Variants in PGAP4 observed in about 807,000 individuals in gnomAD.
The protein encoded by PGAP4 is post-GPI attachment to proteins GalNAc transferase 4, also known as GPI-N-acetylgalactosamine transferase PGAP4.
A neutral mutation model predicts 28.2 loss-of-function variants in PGAP4; 12 were observed. The ratio of observed to expected loss-of-function variants is 0.42; its 90% CI spans 0.27 to 0.69. The LOEUF (loss-of-function observed/expected upper bound fraction) is 0.69, where lower values mean the gene tolerates loss of function less well. PGAP4 is among the 30% of genes least tolerant of loss of function. The probability of loss-of-function intolerance (pLI) is 0.22; values close to 1 mark genes in which losing one functional copy is unlikely to be tolerated. For missense variants in PGAP4, 425 were observed against 513.5 expected, an observed-to-expected ratio of 0.83 and a Z score of 1.67; for synonymous variants, 205 against 211.8, an observed-to-expected ratio of 0.97 and a Z score of 0.28.
chr9:101,507,516 TCTAAAAGCTCAGTTCTTGAACCC>T (rs1158978179), intron 2 of PGAP4, among the ~76,000 whole-genome samples: 6 of 152,082 alleles, frequency 3.9e-5, no homozygotes, highest in South Asian at 2.1e-4. Context: ...ATTTATGAAG[TCTAAAAGCTCAGTTCTTGAACCC>T]CTAAAAGCTC....
intron 2 of PGAP4, among the ~76,000 whole-genome samples, chr9:101,529,132 T>A (rs896851579): frequency 6.6e-6 from 1 of 151,404 alleles, no homozygotes; most frequent in African/African-American, 2.4e-5. Flanking sequence ...TCTTTTTTTA[T>A]AGCTGCATGG....
chr9:101,484,070 G>T (rs764446689), intron 1 of PGAP4, among the ~76,000 whole-genome samples: 1 of 152,118 alleles, frequency 6.6e-6, no homozygotes, highest in Non-Finnish European at 1.5e-5. Flanking sequence ...TTTTATAAGT[G>T]CATCCCCTTT....
intron 2 of PGAP4, among the ~76,000 whole-genome samples, chr9:101,500,074 G>T (rs577576338): frequency 3.9e-5 from 6 of 152,006 alleles, no homozygotes; most frequent in Non-Finnish European, 8.8e-5. Context: ...ATCAAATCCA[G>T]AATTATGTTT....
At chr9:101,485,039 ACAGT>A (rs1248715762) in intron 1 of PGAP4, among the ~76,000 whole-genome samples, 1 of 152,242 alleles carries the variant, frequency 6.6e-6, no homozygotes, top group South Asian at 2.1e-4. Context: ...GGTGAACATG[ACAGT>A]CAGGGCACCT....
chr9:101,522,404 G>A (rs1228046311), intron 2 of PGAP4, among the ~76,000 whole-genome samples: 1 of 152,088 alleles, frequency 6.6e-6, no homozygotes, highest in Non-Finnish European at 1.5e-5. Context: ...CCAGTGTTAG[G>A]TGCATATATG....
At chr9:101,497,792 A>G (rs1249491478) in intron 2 of PGAP4, among the ~76,000 whole-genome samples, 1 of 151,706 alleles carries the variant, frequency 6.6e-6, no homozygotes, top group Non-Finnish European at 1.5e-5. Context: ...TTATCTAAAT[A>G]AAAATGTTTA....
chr9:101,500,768 C>G (rs56736380), intron 2 of PGAP4, among the ~76,000 whole-genome samples: 14 of 151,864 alleles, frequency 9.2e-5, no homozygotes, highest in Non-Finnish European at 1.6e-4. Flanking sequence ...GGAAGATACA[C>G]CTATTAGTCT....
rs1323694400 is a variant in PGAP4 at position 101,481,130 on chromosome 9, A to G, written c.-77-3961T>C. 2.6e-5 allele frequency among the ~76,000 whole-genome samples: 4 copies of G among 152,234 alleles called. No homozygotes were observed. The East Asian group carries it at 7.7e-4, about 29-fold the overall frequency. ...CAGGTCGAGGCCGCAGTGAGCTGTG[A>G]TCGCACCACCGCACTCCAGCCTGGT... is the stretch of plus-strand genomic sequence containing the variant. On this transcript the variant is annotated intron_variant, in intron 1 of 1. Coordinates refer to ENST00000374848, the MANE Select transcript of PGAP4 (RefSeq NM_032342.3).
At chr9:101,485,901 T>C (rs1826602285) in intron 1 of PGAP4, among the ~76,000 whole-genome samples, 1 of 150,164 alleles carries the variant, frequency 6.7e-6, no homozygotes, top group Non-Finnish European at 1.5e-5. Flanking sequence ...GTGCAGTGCA[T>C]TCTAGAAATT....
chr9:101,478,287 G>C (rs749780099), intron 1 of PGAP4, among the ~76,000 whole-genome samples: 18 of 152,168 alleles, frequency 1.2e-4, no homozygotes, highest in African/African-American at 4.3e-4. Flanking sequence ...CCAAAAAACA[G>C]AATGAAAAGG....
rs71356369 is a variant in PGAP4 at position 101,523,619 on chromosome 9, C to CTTTTTTTTTTTTTTTTTTTTTT, written c.-165+7707_-165+7728dup. ...ACATTTCTCCCCTCACTTCTTGTAT[C>CTTTTTTTTTTTTTTTTTTTTTT]TTTTTTTTTTTTTTTTTTTTTTTTT... On this transcript the variant is annotated intron_variant, in intron 2 of 3. Transcript: ENST00000374851. Among the ~76,000 whole-genome samples the CTTTTTTTTTTTTTTTTTTTTTT allele has an allele frequency of 9.3e-4, 55 of 59,348 alleles. 8 individuals carry two copies. The highest frequency in any genetic ancestry group is 1.6e-3 in the African/African-American group (23 of 14,126). The allele number at this position is 59,348 out of a possible 152,430, so 38.9% of individuals were successfully genotyped here. A position where few individuals can be genotyped will look rare whatever the true frequency, so the allele number is the denominator to read the frequency against.
At chr9:101,527,597 G>A (rs1397567406) in intron 2 of PGAP4, among the ~76,000 whole-genome samples, 1 of 152,044 alleles carries the variant, frequency 6.6e-6, no homozygotes, top group Non-Finnish European at 1.5e-5. Context: ...GTAATATATG[G>A]ACCCCTCTTT....
At chr9:101,499,127 G>A in intron 2 of PGAP4, among the ~76,000 whole-genome samples, 1 of 151,612 alleles carries the variant, frequency 6.6e-6, no homozygotes, top group South Asian at 2.1e-4. Context: ...GAAAAGACTG[G>A]AAAAAAAAGT....
At chr9:101,524,735 T>G (rs1827019176) in intron 2 of PGAP4, among the ~76,000 whole-genome samples, 1 of 152,156 alleles carries the variant, frequency 6.6e-6, no homozygotes, top group African/African-American at 2.4e-5. Context: ...CAAACAGACT[T>G]TCAGCTTCTT....
At chr9:101,493,065 C>T (rs938427752) in intron 2 of PGAP4, among the ~76,000 whole-genome samples, 1 of 151,784 alleles carries the variant, frequency 6.6e-6, no homozygotes, top group African/African-American at 2.4e-5. Flanking sequence ...CCATCCTGGC[C>T]AACATGGTGA....
chr9:101,521,437 A>G (rs995514819), intron 2 of PGAP4, among the ~76,000 whole-genome samples: 3 of 152,002 alleles, frequency 2.0e-5, no homozygotes, highest in Non-Finnish European at 4.4e-5. Context: ...GATTTAAGCT[A>G]GGAGGGCTGT....
chr9:101,515,807 A>C (rs1256338672), intron 2 of PGAP4, among the ~76,000 whole-genome samples: 1 of 152,116 alleles, frequency 6.6e-6, no homozygotes, highest in African/African-American at 2.4e-5. Context: ...CATATCTTTG[A>C]ATTGTTTGAT....
upstream of PGAP4, chr9:101,489,024 A>G (rs2118567923): frequency 6.6e-6 from 1 of 152,302 alleles, no homozygotes; most frequent in East Asian, 1.9e-4. Context: ...CTTCCCTAGT[A>G]CTTTCTATGG....
In PGAP4 at chr9:101,473,358, C is replaced by G. The variant is rs1265710964; in HGVS notation, c.*2523G>C. On this transcript the variant is annotated 3_prime_UTR_variant, in exon 2 of 2. Coordinates refer to ENST00000374848, the MANE Select transcript of PGAP4 (RefSeq NM_032342.3). ...AAGGATATCTTAGTTCTCCCTAGCC[C>G]CTTGCTTAGGATTAAGTGAGAGACT... The G allele has an allele frequency of 6.6e-6, 1 of 152,174 alleles. No individual in the cohort carries two copies. The highest frequency in any genetic ancestry group is 1.9e-4 in the East Asian group (1 of 5,186). 9.4% of individuals were successfully genotyped at this position (152,174 alleles called of 1,614,324 possible).
Sources: allele counts gnomAD v4.1 joint callset (sites outside exome capture counted in the v4.1 genomes callset), GRCh38; gene constraint gnomAD v4.1.1; transcripts MANE v1.5; gene names NCBI Gene and HGNC (gene_info 2026-07-23, HGNC 2026-07-21).